Variants in MSH3 observed in about 807,000 individuals in gnomAD.
MSH3 encodes mutS homolog 3, also known as DNA mismatch repair protein Msh3.
Under a neutral mutation model 123.3 loss-of-function variants are expected in MSH3, and 106 were observed. The ratio of observed to expected loss-of-function variants is 0.86; its 90% confidence interval spans 0.73 to 1.01. The LOEUF (loss-of-function observed/expected upper bound fraction) is 1.01. Among genes scored for constraint, MSH3 ranks in the 50% least tolerant of loss-of-function variants. MSH3 has a pLI of 0.00. For synonymous variants in MSH3, 515 were observed against 481.4 expected (o/e 1.07, Z -0.91); for missense variants, 1,459 against 1,347.6 (o/e 1.08, Z -1.29).
rs150418552 is a variant in MSH3, at chr5:80,753,875, T to A, written c.1764-7671T>A. 4.9e-4 allele frequency among the ~76,000 whole-genome samples: 74 copies of A among 152,310 alleles called. No individual in the cohort carries two copies. The Middle Eastern group carries it at 0.01, about 21-fold the overall frequency. ...CAGGGAGGATATACATTTATGGCTT[T>A]TATGTGAGGCAGGCCTTGCATTGGC... On this transcript the variant is annotated intron_variant, in intron 12 of 23. Coordinates refer to ENST00000265081, the MANE Select transcript of MSH3 (RefSeq NM_002439.5).
chr5:80,830,055 C>T (rs1382381620), intron 20 of MSH3, among the ~76,000 whole-genome samples: 1 of 151,928 alleles, frequency 6.6e-6, no homozygotes, highest in African/African-American at 2.4e-5. Context: ...CTTTTTAATG[C>T]CCATGAGATC....
At position 80,833,619 on chromosome 5, in the gene MSH3, T is replaced by A. The variant is rs535566308; in HGVS notation, c.2813+19878T>A. 3.3e-5 allele frequency among the ~76,000 whole-genome samples: 5 copies of A among 152,206 alleles called. No homozygotes were observed. The South Asian group carries it at 1.0e-3, about 32-fold the overall frequency. ...CACCACACCCAGCTAATTTTTGTAT[T>A]TTTAGTAGAGATGGGGTTTCACCAT... On this transcript the variant is annotated intron_variant, in intron 20 of 23. Transcript: ENST00000265081.
chr5:80,740,121 C>T (rs1018692387), intron 10 of MSH3, among the ~76,000 whole-genome samples: 5 of 121,322 alleles, frequency 4.1e-5, no homozygotes, highest in East Asian at 2.0e-4. Flanking sequence ...TATTGAATTA[C>T]TGCATTAGTA....
chr5:80,729,014 C>A, intron 10 of MSH3, 49 bp downstream of exon 10: 1 of 1,076,594 alleles, frequency 9.3e-7, no homozygotes, highest in Non-Finnish European at 1.4e-6. Context: ...ATATTATGAA[C>A]ATTTCTTAAA....
Position 80,670,317 on chromosome 5 carries a change from G to T in MSH3, c.792+8G>T. The T allele has an allele frequency of 6.2e-7, 1 of 1,611,852 alleles. No individual in the cohort carries two copies. The highest frequency in any genetic ancestry group is 8.5e-7 in the Non-Finnish European group (1 of 1,178,138). ...TTTGGGGAAGATGCAGAGGTAAGTC[G>T]TCTTTTCAGGCACTATTTTATATTT... On this transcript the variant is annotated splice_region_variant and intron_variant, in intron 4 of 23. Coordinates refer to ENST00000265081, the MANE Select transcript of MSH3 (RefSeq NM_002439.5).
At chr5:80,710,700 T>C (rs1750840123) in intron 8 of MSH3, among the ~76,000 whole-genome samples, 1 of 149,744 alleles carries the variant, frequency 6.7e-6, no homozygotes, top group Non-Finnish European at 1.5e-5. Flanking sequence ...TGTAGATTCG[T>C]GGTAAAAAGA....
At chr5:80,757,120 A>T (rs140193431) in intron 12 of MSH3, among the ~76,000 whole-genome samples, 1 of 151,762 alleles carries the variant, frequency 6.6e-6, no homozygotes, top group African/African-American at 2.4e-5. Context: ...TAGTAGGTCT[A>T]TATATTAAGG....
chr5:80,689,584 A>G (rs1339467225), intron 8 of MSH3, among the ~76,000 whole-genome samples: 1 of 152,142 alleles, frequency 6.6e-6, no homozygotes, highest in Non-Finnish European at 1.5e-5. Context: ...AAAATTTGAG[A>G]TTAAAGTAAA....
intron 22 of MSH3, among the ~76,000 whole-genome samples, chr5:80,869,863 C>CACACACACACTA (rs1561505453): frequency 6.9e-6 from 1 of 143,898 alleles, no homozygotes; most frequent in South Asian, 2.2e-4. Flanking sequence ...CACACACACA[C>CACACACACACTA]TATATAAAAA....
At position 80,654,814 on chromosome 5, in the gene MSH3, G is replaced by C. The variant is rs768967342; in HGVS notation, c.87G>C (p.Gln29His). 6 of 1,605,938 alleles carry C rather than the reference G, an allele frequency of 3.7e-6. No homozygotes were observed. Among genetic ancestry groups the C allele is most frequent in the Non-Finnish European group, 5.1e-6 (6 of 1,177,076 alleles). ...AAGCGGTTTTGAGCCGATTCTTCCAGTCTACGGGAAGCCTGAAATCCACCT... is the reference window on the plus strand; with the variant it reads ...AAGCGGTTTTGAGCCGATTCTTCCACTCTACGGGAAGCCTGAAATCCACCT... ...ARQAVLSRFF[Q>H]STGSLKSTSS... Residue 29 changes from glutamine (Q) to histidine (H), a missense_variant, in exon 1 of 24, where the codon CAG (glutamine) becomes CAC (histidine). Coordinates refer to ENST00000265081, the MANE Select transcript of MSH3 (RefSeq NM_002439.5).
At chr5:80,862,231 T>A (rs1163796829) in intron 21 of MSH3, among the ~76,000 whole-genome samples, 1 of 152,118 alleles carries the variant, frequency 6.6e-6, no homozygotes, top group African/African-American at 2.4e-5. Context: ...CGGGGCAGAT[T>A]TTAAGCACAG....
Position 80,816,912 on chromosome 5 carries a change from T to G in MSH3, c.2813+3171T>G, listed in dbSNP as rs964134971. On this transcript the variant is annotated intron_variant, in intron 20 of 23. Coordinates refer to ENST00000265081, the MANE Select transcript of MSH3 (RefSeq NM_002439.5). ...TTGTGTATAATAAGTAGAATTATTCTGAGACATTCAAAGGGAGCTATCATA... is the reference window on the plus strand; with the variant it reads ...TTGTGTATAATAAGTAGAATTATTCGGAGACATTCAAAGGGAGCTATCATA... Among the ~76,000 whole-genome samples, 4 of 152,322 alleles carry G rather than the reference T, an allele frequency of 2.6e-5. No homozygotes were observed. The East Asian group carries it at 7.7e-4, about 29-fold the overall frequency.
intron 20 of MSH3, among the ~76,000 whole-genome samples, chr5:80,851,699 G>C (rs1745833484): frequency 6.6e-6 from 1 of 152,018 alleles, no homozygotes; most frequent in African/African-American, 2.4e-5. Context: ...TATATAGCTT[G>C]GTATGTTTAT....
Position 80,658,245 on chromosome 5 carries a change from G to A in MSH3, c.358+1714G>A, listed in dbSNP as rs150421619. Among the ~76,000 whole-genome samples the A allele has an allele frequency of 8.9e-3, 1,251 of 140,846 alleles. 18 individuals carry two copies. The highest frequency in any genetic ancestry group is 0.032 in the African/African-American group (1,209 of 37,788). 92.4% of individuals were successfully genotyped at this position (140,846 alleles called of 152,430 possible). On this transcript the variant is annotated intron_variant, in intron 2 of 23. Transcript: ENST00000265081. ...GGCTAATTTTTGTATTTTTAGTAGA[G>A]TCAGAGTTTTGCCATGTTGGCTAGG...
chr5:80,666,611 C>G (rs1025328564), intron 3 of MSH3, among the ~76,000 whole-genome samples: 11 of 152,308 alleles, frequency 7.2e-5, no homozygotes, highest in African/African-American at 2.6e-4. Context: ...TCCAAGGTCT[C>G]AGAAGAGCGT....
intron 17 of MSH3, among the ~76,000 whole-genome samples, chr5:80,780,649 T>C (rs1021232649): frequency 6.6e-6 from 1 of 152,130 alleles, no homozygotes; most frequent in African/African-American, 2.4e-5. Flanking sequence ...GGCAGATCAC[T>C]TGAGGCCAAG....
At chr5:80,722,408 T>C (rs1299022162) in intron 8 of MSH3, among the ~76,000 whole-genome samples, 5 of 152,240 alleles carry the variant, frequency 3.3e-5, no homozygotes, top group African/African-American at 9.6e-5. Flanking sequence ...CTTAGATCAT[T>C]AGATATACCT....
chr5:80,807,422 CAAAT>C (rs890462094), intron 19 of MSH3, among the ~76,000 whole-genome samples: 2 of 151,970 alleles, frequency 1.3e-5, no homozygotes, highest in Non-Finnish European at 1.5e-5. Context: ...TTAATAAAAA[CAAAT>C]AAGATTATTG....
chr5:80,730,741 C>T (rs1458339835), intron 10 of MSH3, among the ~76,000 whole-genome samples: 1 of 151,734 alleles, frequency 6.6e-6, no homozygotes, highest in African/African-American at 2.4e-5. Flanking sequence ...ATAGCTTGCC[C>T]ATTAAGACTT....
Sources: allele counts gnomAD v4.1 joint callset (sites outside exome capture counted in the v4.1 genomes callset), GRCh38; gene constraint gnomAD v4.1.1; transcripts MANE v1.5; gene names NCBI Gene and HGNC (gene_info 2026-07-23, HGNC 2026-07-21).